POLR1A: variants seen among roughly 807,000 people sequenced by gnomAD.
POLR1A encodes RNA polymerase I subunit A.
A neutral mutation model predicts 205.3 loss-of-function variants in POLR1A; 84 were observed. The ratio of observed to expected loss-of-function variants is 0.41; its 90% CI spans 0.34 to 0.49. The LOEUF (loss-of-function observed/expected upper bound fraction) is 0.49, where lower values mean the gene tolerates loss of function less well. POLR1A is among the 20% of genes least tolerant of loss of function. The pLI is 0.22. For missense variants in POLR1A, 1,645 were observed against 2,204.5 expected, an observed-to-expected ratio of 0.75 and a Z score of 5.08; for synonymous variants, 799 against 863.7, an observed-to-expected ratio of 0.93 and a Z score of 1.31.
chr2:86,069,568 G>A (rs530532101), intron 13 of POLR1A, among the ~76,000 whole-genome samples: 12 of 152,298 alleles, frequency 7.9e-5, no homozygotes, highest in African/African-American at 2.6e-4. Flanking sequence ...ATGCCTTCAC[G>A]GGCTGCTGCG....
chr2:86,031,649 G>C lies in POLR1A; in HGVS notation c.4273-14C>G. 6.2e-7 allele frequency: 1 copy of C among 1,600,532 alleles called. No homozygotes were observed. The highest frequency in any genetic ancestry group is 2.2e-5 in the East Asian group (1 of 44,770). ...CTCATAATCAACCTGGCAGAAAAGG[G>C]AGCACAGGCTGTGTCACTTGGGGAC... On this transcript the variant is annotated splice_polypyrimidine_tract_variant and intron_variant, in intron 29 of 33. Transcript: ENST00000263857.
intron 27 of POLR1A, among the ~76,000 whole-genome samples, chr2:86,034,933 C>T (rs1007438863): frequency 6.6e-6 from 1 of 152,024 alleles, no homozygotes; most frequent in African/African-American, 2.4e-5. Context: ...TGCAGTGGTG[C>T]GACCTCGGCT....
chr2:86,025,203 ATTTT>A lies in POLR1A; in HGVS notation c.*2216_*2219del, dbSNP rs1295128822. The A allele has an allele frequency of 1.3e-5, 2 of 152,202 alleles. No individual in the cohort carries two copies. Among genetic ancestry groups the A allele is most frequent in the African/African-American group, 4.8e-5 (2 of 41,446 alleles). 9.4% of individuals were successfully genotyped at this position (152,202 alleles called of 1,614,324 possible). On this transcript the variant is annotated 3_prime_UTR_variant, in exon 34 of 34. Transcript: ENST00000263857. ...CCACCAGATGATCAATCTCCATTAC[ATTTT>A]GATTAAAAATGACAACGCAGATTAG...
At chr2:86,054,803 G>A (rs553955328) in intron 14 of POLR1A, among the ~76,000 whole-genome samples, 2 of 152,334 alleles carry the variant, frequency 1.3e-5, no homozygotes, top group South Asian at 4.1e-4. Context: ...CGGCTGCTCT[G>A]CAGAGAGCTC....
At chr2:86,063,105 G>GT (rs1402341300) in intron 14 of POLR1A, among the ~76,000 whole-genome samples, 1 of 152,136 alleles carries the variant, frequency 6.6e-6, no homozygotes, top group Non-Finnish European at 1.5e-5. Context: ...GGAGGCCAAG[G>GT]TTGGTGGATC....
chr2:86,096,621 A>G (rs1207219941), intron 3 of POLR1A, among the ~76,000 whole-genome samples: 4 of 152,192 alleles, frequency 2.6e-5, no homozygotes, highest in Admixed American at 1.3e-4. Context: ...ATTAATCTGC[A>G]TATCTACAGC....
At chr2:86,049,314 G>T in intron 16 of POLR1A, 72 bp from the exon 17 acceptor site, 1 of 1,056,722 alleles carries the variant, frequency 9.5e-7, no homozygotes, top group Non-Finnish European at 1.5e-6. Flanking sequence ...AACTCAGTAA[G>T]GCCAGAGCAC....
chr2:86,071,449 C>T (rs1381718571), intron 12 of POLR1A, among the ~76,000 whole-genome samples: 1 of 152,172 alleles, frequency 6.6e-6, no homozygotes, highest in Non-Finnish European at 1.5e-5. Context: ...AGTCACCACA[C>T]TCAGCTACTT....
intron 21 of POLR1A, among the ~76,000 whole-genome samples, chr2:86,044,865 T>C (rs1231403218): frequency 6.6e-6 from 1 of 152,220 alleles, no homozygotes; most frequent in East Asian, 1.9e-4. Context: ...ACACTCTGCC[T>C]AGGTTTCCCC....
chr2:86,071,223 T>C (rs1445191302), intron 12 of POLR1A, among the ~76,000 whole-genome samples: 1 of 5,378 alleles, frequency 1.9e-4, no homozygotes, highest in Non-Finnish European at 4.7e-4. Context: ...TCTCTCTCCG[T>C]GTGCATGTGT....
chr2:86,080,697 C>T, intron 9 of POLR1A, 119 bp downstream of exon 9: 2 of 966,714 alleles, frequency 2.1e-6, no homozygotes, highest in Non-Finnish European at 3.0e-6. Flanking sequence ...ACTAAGGCTG[C>T]TGCCAGCTGC....
chr2:86,043,137 G>C lies in POLR1A; in HGVS notation c.3194C>G (p.Ala1065Gly). Residue 1065 changes from alanine (A) to glycine (G), a missense_variant, in exon 23 of 34, where the codon GCT becomes GGT. Ala to Gly is a moderately conservative substitution (Grantham distance 60, BLOSUM62 0). This residue lies in a region of POLR1A where 201 missense variants were observed against 222.3 expected (regional missense o/e 0.90). Coordinates refer to ENST00000263857, the MANE Select transcript of POLR1A (RefSeq NM_015425.6). ...TTTGATAGCTCTGAAGTGGTGGAGA[G>C]CTTTTTTGGGATCTGCTCTGGATAA... ...EVLSRADPKK[A>G]LHHFRAIKKW... is the part of the protein sequence containing the mutation. 1 of 1,614,086 alleles carries C rather than the reference G, an allele frequency of 6.2e-7. No homozygotes were observed. Among genetic ancestry groups the C allele is most frequent in the South Asian group, 1.1e-5 (1 of 91,086 alleles).
chr2:86,040,685 C>T, intron 24 of POLR1A, 126 bp from the exon 25 acceptor site: 1 of 703,598 alleles, frequency 1.4e-6, no homozygotes, highest in Non-Finnish European at 2.2e-6. Context: ...CTCGTTTTTC[C>T]TAGGCAAAAG....
intron 23 of POLR1A, 121 bp from the exon 24 acceptor site, chr2:86,042,224 A>C: frequency 1.4e-6 from 1 of 720,686 alleles, no homozygotes; most frequent in Non-Finnish European, 2.4e-6. Flanking sequence ...TGCAATGAGA[A>C]ACCATCTCCC....
chr2:86,028,127 T>C lies in POLR1A; in HGVS notation c.4898-78A>G. On this transcript the variant is annotated intron_variant, in intron 32 of 33. Transcript: ENST00000263857. The surrounding 1 kb of genome is among the most constrained non-coding windows in gnomAD (Gnocchi z 4.5). The stretch of plus-strand genomic sequence containing the variant: ...GTCAGCAGACACAAGCCAAGCTGCC[T>C]CCACATCAGCACATGGCTTGGGAGT... 1 of 1,368,880 alleles carries C rather than the reference T, an allele frequency of 7.3e-7. No homozygotes were observed. The highest frequency in any genetic ancestry group is 1.0e-6 in the Non-Finnish European group (1 of 961,908). The allele number at this position is 1,368,880 out of a possible 1,614,324, so 84.8% of individuals were successfully genotyped here.
intron 27 of POLR1A, chr2:86,036,929 A>G (rs1039392885): frequency 6.6e-6 from 1 of 152,282 alleles, no homozygotes; most frequent in African/African-American, 2.4e-5. Context: ...AGGTAATATA[A>G]GTAAAAAGAA....
At chr2:86,075,621 G>A (rs1673266676) in intron 11 of POLR1A, among the ~76,000 whole-genome samples, 1 of 152,128 alleles carries the variant, frequency 6.6e-6, no homozygotes. Flanking sequence ...CAATTCTCCT[G>A]CCTCAGCCTC....
chr2:86,083,531 T>G (rs1204564187), intron 6 of POLR1A, among the ~76,000 whole-genome samples: 1 of 152,196 alleles, frequency 6.6e-6, no homozygotes, highest in Non-Finnish European at 1.5e-5. Flanking sequence ...TGCACACTAC[T>G]TTGCCCTTTT....
In POLR1A at chr2:86,024,200, A is replaced by G; in HGVS notation, c.*3223T>C. Reference sequence around the variant, plus strand: ...AGCCTCAAGCAAGAAGGCAATTCTGACACATGCTACAGCATGGATGAACCT... The same window carrying G: ...AGCCTCAAGCAAGAAGGCAATTCTGGCACATGCTACAGCATGGATGAACCT... On this transcript the variant is annotated 3_prime_UTR_variant, in exon 34 of 34. Coordinates refer to ENST00000263857, the MANE Select transcript of POLR1A (RefSeq NM_015425.6). 5.3e-6 allele frequency: 1 copy of G among 188,288 alleles called. No individual in the cohort carries two copies. Among genetic ancestry groups the G allele is most frequent in the Non-Finnish European group, 1.1e-5 (1 of 89,390 alleles). 11.7% of individuals were successfully genotyped at this position (188,288 alleles called of 1,614,324 possible).
Sources: allele counts gnomAD v4.1 joint callset (sites outside exome capture counted in the v4.1 genomes callset), GRCh38; gene constraint gnomAD v4.1.1; regional missense constraint gnomAD v4.1.1; non-coding constraint Gnocchi (gnomAD v3.1); transcripts MANE v1.5; gene names NCBI Gene and HGNC (gene_info 2026-07-23, HGNC 2026-07-21).